The following CACNA1B variants were observed in gnomAD, a reference collection of about 807,000 sequenced individuals.
CACNA1B encodes the protein voltage-dependent N-type calcium channel subunit alpha-1B.
Under a neutral mutation model 247.2 loss-of-function variants are expected in CACNA1B, and 70 were observed. That is an observed-to-expected ratio of 0.28 (90% CI 0.23 to 0.35). The LOEUF (loss-of-function observed/expected upper bound fraction) is 0.35, where lower values mean the gene tolerates loss of function less well. Ranked by LOEUF, CACNA1B falls within the 10% of genes least tolerant of loss-of-function variation. CACNA1B has a pLI of 1.00. For missense variants in CACNA1B, 2,367 were observed against 3,197.4 expected, an observed-to-expected ratio of 0.74 and a Z score of 6.26; for synonymous variants, 1,231 against 1,294.4, an observed-to-expected ratio of 0.95 and a Z score of 1.05.
Position 138,012,962 on chromosome 9 carries a change from TG to T in CACNA1B, c.2161-161del, listed in dbSNP as rs1041341666. On this transcript the variant is annotated intron_variant, in intron 17 of 46. Coordinates refer to ENST00000371372, the MANE Select transcript of CACNA1B (RefSeq NM_000718.4). This position sits in a 1 kb window ranked among gnomAD's most constrained non-coding sequence, Gnocchi z 4.2. ...GAGACAGCTCCTGTGGAACAGGTCG[TG>T]GGGGGCCACATTCACTCAGGGGTTG... Among the ~76,000 whole-genome samples, 1 of 152,002 alleles carries T rather than the reference TG, an allele frequency of 6.6e-6. No individual in the cohort carries two copies. Among genetic ancestry groups the T allele is most frequent in the Non-Finnish European group, 1.5e-5 (1 of 68,010 alleles).
chr9:138,032,696 G>A (rs1319466961), intron 20 of CACNA1B: 3 of 453,400 alleles, frequency 6.6e-6, no homozygotes, highest in East Asian at 7.0e-5. Flanking sequence ...TGAAAAAAAC[G>A]TGTGCCTCTT....
At position 137,957,489 on chromosome 9, in the gene CACNA1B, C is replaced by T; in HGVS notation, c.1244-109C>T. 1.4e-6 allele frequency: 1 copy of T among 707,282 alleles called. No homozygotes were observed. 43.8% of individuals were successfully genotyped at this position (707,282 alleles called of 1,614,324 possible). On this transcript the variant is annotated intron_variant, in intron 9 of 46. Transcript: ENST00000371372. The surrounding 1 kb of genome is among the most constrained non-coding windows in gnomAD (Gnocchi z 4.7). Reference sequence around the variant, plus strand: ...CCTCAGCCCCAGTTCAGGACAGGAGCTCAGGAGAGGTCACTGGTCCCAGGG... The same window carrying T: ...CCTCAGCCCCAGTTCAGGACAGGAGTTCAGGAGAGGTCACTGGTCCCAGGG...
intron 15 of CACNA1B, 137 bp from the exon 16 acceptor site, chr9:138,006,630 A>G (rs1042887471): frequency 1.1e-5 from 7 of 642,800 alleles, no homozygotes; most frequent in African/African-American, 1.1e-4. Flanking sequence ...AGCATCATCT[A>G]AAGACCTGGA....
At chr9:138,037,613 C>T (rs533638988) in intron 20 of CACNA1B, among the ~76,000 whole-genome samples, 18 of 151,912 alleles carry the variant, frequency 1.2e-4, no homozygotes, top group South Asian at 1.0e-3. Flanking sequence ...GAGCTGAGAT[C>T]GCGCCATTTC....
rs1957390842 is a variant in CACNA1B, at chr9:137,914,548, A to G, written c.623-106A>G. 13 of 909,696 alleles carry G rather than the reference A, an allele frequency of 1.4e-5. 1 individual carries two copies. The South Asian group carries it at 2.1e-4, about 15-fold the overall frequency. The allele number at this position is 909,696 out of a possible 1,614,324, so 56.4% of individuals were successfully genotyped here. On this transcript the variant is annotated intron_variant, in intron 4 of 46. Transcript: ENST00000371372. This position sits in a 1 kb window ranked among gnomAD's most constrained non-coding sequence, Gnocchi z 4.3. ...CCCTTGCAAGCACTCACTGCTTAGC[A>G]CCTTGCTGTCCCTGCTAGGTTCCTG...
rs1225756723 is a variant in CACNA1B at position 138,100,148 on chromosome 9, A to G, written c.5223-2563A>G. Among the ~76,000 whole-genome samples the G allele has an allele frequency of 6.6e-6, 1 of 152,170 alleles. No individual in the cohort carries two copies. Among genetic ancestry groups the G allele is most frequent in the Non-Finnish European group, 1.5e-5 (1 of 68,032 alleles). On this transcript the variant is annotated intron_variant, in intron 37 of 46. Coordinates refer to ENST00000371372, the MANE Select transcript of CACNA1B (RefSeq NM_000718.4). This position sits in a 1 kb window ranked among gnomAD's most constrained non-coding sequence, Gnocchi z 4.6. ...AGGAATAGGAAGGATTGAGCACTAG[A>G]GAAATAGGATGGATTGAGCTGGGGA...
At chr9:137,956,695 G>C (rs1957953024) in intron 8 of CACNA1B, 76 bp from the exon 9 acceptor site, 1 of 1,208,290 alleles carries the variant, frequency 8.3e-7, no homozygotes. Flanking sequence ...GGGCCTTCCA[G>C]ACAGAGATGT....
chr9:137,937,260 A>G (rs1355221734), intron 6 of CACNA1B, among the ~76,000 whole-genome samples: 1 of 152,166 alleles, frequency 6.6e-6, no homozygotes, highest in Non-Finnish European at 1.5e-5. Context: ...ACTTCAGGAA[A>G]CAATGGATGC....
In CACNA1B at chr9:138,124,034, C is replaced by T. The variant is rs1962186922; in HGVS notation, c.*2035C>T. The T allele has an allele frequency of 6.6e-6, 1 of 152,224 alleles. No individual in the cohort carries two copies. Among genetic ancestry groups the T allele is most frequent in the Non-Finnish European group, 1.5e-5 (1 of 68,050 alleles). The allele number at this position is 152,224 out of a possible 1,614,324, so 9.4% of individuals were successfully genotyped here. A position where few individuals can be genotyped will look rare whatever the true frequency, so the allele number is the denominator to read the frequency against. The stretch of plus-strand genomic sequence containing the variant: ...ACTTTTCTAAACCCACACAGCCTAG[C>T]TGGCTTGTCTAGACTCTTCTAGGCA... On this transcript the variant is annotated 3_prime_UTR_variant, in exon 47 of 47. Transcript: ENST00000371372.
At chr9:137,989,653 C>T (rs1184177030) in intron 15 of CACNA1B, among the ~76,000 whole-genome samples, 1 of 152,136 alleles carries the variant, frequency 6.6e-6, no homozygotes, top group Non-Finnish European at 1.5e-5. Flanking sequence ...AACGGAAACA[C>T]TGGGGTACAA....
At chr9:137,923,711 T>G (rs896203890) in intron 6 of CACNA1B, among the ~76,000 whole-genome samples, 1 of 152,238 alleles carries the variant, frequency 6.6e-6, no homozygotes, top group Non-Finnish European at 1.5e-5. Flanking sequence ...GCTTAGTTTT[T>G]TAAGAAACCA....
In CACNA1B at chr9:137,986,669, G is replaced by A. The variant is rs1958365748; in HGVS notation, c.1902-113G>A. Reference sequence around the variant, plus strand: ...ACCAGGAAGGTCCTCAGAGGGGCCAGTGTGCAGCCATCTGCAGCCTGAAGC... The same window carrying A: ...ACCAGGAAGGTCCTCAGAGGGGCCAATGTGCAGCCATCTGCAGCCTGAAGC... On this transcript the variant is annotated intron_variant, in intron 14 of 46. Transcript: ENST00000371372. The surrounding 1 kb of genome is among the most constrained non-coding windows in gnomAD (Gnocchi z 6.0). 7.0e-7 allele frequency: 1 copy of A among 1,422,612 alleles called. No homozygotes were observed. Among genetic ancestry groups the A allele is most frequent in the Non-Finnish European group, 9.9e-7 (1 of 1,008,304 alleles). The allele number at this position is 1,422,612 out of a possible 1,614,324, so 88.1% of individuals were successfully genotyped here.
Position 138,023,589 on chromosome 9 carries a change from G to A in CACNA1B, c.2846G>A (p.Gly949Asp). 1.9e-6 allele frequency: 2 copies of A among 1,079,244 alleles called. No homozygotes were observed. Among genetic ancestry groups the A allele is most frequent in the South Asian group, 4.0e-5 (1 of 25,296 alleles). 66.9% of individuals were successfully genotyped at this position (1,079,244 alleles called of 1,614,324 possible). A position where few individuals can be genotyped will look rare whatever the true frequency, so the allele number is the denominator to read the frequency against. The change falls in exon 19 of 47, where the codon GGC becomes GAC. Residue 949 changes from glycine to aspartate, a missense_variant. Gly to Asp is a moderately conservative substitution (Grantham distance 94). Around this residue, in one of 12 missense-constraint regions of CACNA1B, gnomAD observed 631 missense variants for 631.1 expected, o/e 1.00. Coordinates refer to ENST00000371372, the MANE Select transcript of CACNA1B (RefSeq NM_000718.4). ...CAGGATCCGAGCAAGGAGTGCGCCG[G>A]CGCCAAGGGCGAGCGGCGCGCGCGG... ...RHQDPSKECAGAKGERRARHR... is the reference protein window; with the variant it reads ...RHQDPSKECADAKGERRARHR...
At chr9:137,927,092 C>T (rs1157016520) in intron 6 of CACNA1B, among the ~76,000 whole-genome samples, 1 of 152,100 alleles carries the variant, frequency 6.6e-6, no homozygotes, top group Non-Finnish European at 1.5e-5. Flanking sequence ...ATGTCATATC[C>T]AAGAAGTCGC....
In CACNA1B at chr9:138,058,741, GGGCT is replaced by G; in HGVS notation, c.4473+9_4473+12del. On this transcript the variant is annotated intron_variant, in intron 29 of 46. Transcript: ENST00000371372. This position sits in a 1 kb window ranked among gnomAD's most constrained non-coding sequence, Gnocchi z 4.7. ...GTGGTGCTGATGATGAAGGTGTGTG[GGGCT>G]CAGCGCAGAGGGGCAGCTGGCGCTG... 1 of 1,596,726 alleles carries G rather than the reference GGGCT, an allele frequency of 6.3e-7. No homozygotes were observed. The highest frequency in any genetic ancestry group is 8.5e-7 in the Non-Finnish European group (1 of 1,171,428).
intron 36 of CACNA1B, among the ~76,000 whole-genome samples, chr9:138,091,082 G>T (rs2131335750): frequency 6.6e-6 from 1 of 152,182 alleles, no homozygotes. Context: ...AGATATCTGG[G>T]CTCTCATGTT....
At chr9:137,987,642 C>G (rs1958382310) in intron 15 of CACNA1B, among the ~76,000 whole-genome samples, 2 of 152,206 alleles carry the variant, frequency 1.3e-5, no homozygotes, top group Admixed American at 1.3e-4. Context: ...TGATCCTACC[C>G]TTGGTCAGGG....
chr9:137,933,240 T>TG (rs1419633164), intron 6 of CACNA1B, among the ~76,000 whole-genome samples: 1 of 151,780 alleles, frequency 6.6e-6, no homozygotes, highest in Non-Finnish European at 1.5e-5. Context: ...TTAGTAGAAA[T>TG]GGGGTTTCAC....
At chr9:137,951,422 C>T (rs970748130) in intron 6 of CACNA1B, among the ~76,000 whole-genome samples, 1 of 152,164 alleles carries the variant, frequency 6.6e-6, no homozygotes, top group African/African-American at 2.4e-5. Flanking sequence ...AACTGTCCTC[C>T]TGCCTCTGTC....
Sources: gnomAD v4.1 joint callset for allele counts (sites outside exome capture counted in the v4.1 genomes callset) on GRCh38, gnomAD v4.1.1 for gene constraint, gnomAD v4.1.1 regional missense constraint, Gnocchi (gnomAD v3.1) non-coding constraint, MANE v1.5 for transcripts, NCBI Gene and HGNC (gene_info 2026-07-23, HGNC 2026-07-21) for gene names.